FYTTD1: variants seen among roughly 807,000 people sequenced by gnomAD.
The protein encoded by FYTTD1 is UAP56-interacting factor.
Under a neutral mutation model 40.9 loss-of-function variants are expected in FYTTD1, and 22 were observed. That is an observed-to-expected ratio of 0.54 (90% CI 0.38 to 0.77). The LOEUF (loss-of-function observed/expected upper bound fraction) is 0.77, where lower values mean the gene tolerates loss of function less well. Among genes scored for constraint, FYTTD1 ranks in the 30% least tolerant of loss-of-function variants. FYTTD1 has a pLI of 0.00. For missense variants in FYTTD1, 351 were observed against 392.2 expected, an observed-to-expected ratio of 0.90 and a Z score of 0.89; for synonymous variants, 140 against 137.9, an observed-to-expected ratio of 1.01 and a Z score of -0.10.
At chr3:197,777,110 G>A in intron 7 of FYTTD1, 109 bp downstream of exon 7, 1 of 680,740 alleles carries the variant, frequency 1.5e-6, no homozygotes, top group Non-Finnish European at 2.6e-6. Flanking sequence ...GGATGAACCA[G>A]GAAGACAGTA....
chr3:197,778,425 T>G lies in FYTTD1; in HGVS notation c.819T>G (p.Gly273=). The G allele has an allele frequency of 6.2e-7, 1 of 1,610,900 alleles. No homozygotes were observed. The highest frequency in any genetic ancestry group is 8.5e-7 in the Non-Finnish European group (1 of 1,177,574). The part of the protein sequence containing the change: ...EQSDVKKVPK[G]VPLQFDINSV... ...GTGACGTCAAGAAAGTTCCTAAAGG[T>G]GTTCCCCTGCAGTTTGACATAAACA... Residue 273 remains glycine (G), a synonymous_variant, in exon 8 of 9, where the codon GGT becomes GGG. Coordinates refer to ENST00000241502, the MANE Select transcript of FYTTD1 (RefSeq NM_032288.7).
At chr3:197,769,079 T>G (rs1227044223) in intron 3 of FYTTD1, among the ~76,000 whole-genome samples, 1 of 149,142 alleles carries the variant, frequency 6.7e-6, no homozygotes, top group Non-Finnish European at 1.5e-5. Flanking sequence ...ATGAAGAGTT[T>G]TTTTGTTTGT....
chr3:197,765,695 G>T (rs963721453), intron 2 of FYTTD1, among the ~76,000 whole-genome samples: 3 of 151,524 alleles, frequency 2.0e-5, no homozygotes, highest in Non-Finnish European at 2.9e-5. Flanking sequence ...AACCCTGTCT[G>T]TACTAAAAAT....
In FYTTD1 at chr3:197,768,431, T is replaced by A; in HGVS notation, c.236-8T>A. On this transcript the variant is annotated splice_region_variant and splice_polypyrimidine_tract_variant and intron_variant, in intron 2 of 8. Transcript: ENST00000241502. ...TTGACATTTTCTTCTGTTTTTGCCC[T>A]CCTATAGGTTTTGGTAAGACTAGTC... 1 of 1,583,278 alleles carries A rather than the reference T, an allele frequency of 6.3e-7. No individual in the cohort carries two copies.
Position 197,772,585 on chromosome 3 carries a change from A to G in FYTTD1, c.498-818A>G, listed in dbSNP as rs1729751259. Among the ~76,000 whole-genome samples, 2 of 152,178 alleles carry G rather than the reference A, an allele frequency of 1.3e-5. 1 individual carries two copies. Among genetic ancestry groups the G allele is most frequent in the South Asian group, 4.1e-4 (2 of 4,828 alleles). On this transcript the variant is annotated intron_variant, in intron 4 of 8. Transcript: ENST00000241502. ...AGAGCATTGTTCTGTGCATGAAAGA[A>G]CAAGAAATAGAAGAGTATAAGTTTT... is the stretch of plus-strand genomic sequence containing the variant.
chr3:197,773,441 A>C lies in FYTTD1; in HGVS notation c.536A>C (p.Lys179Thr). 1 of 1,604,332 alleles carries C rather than the reference A, an allele frequency of 6.2e-7. No individual in the cohort carries two copies. The highest frequency in any genetic ancestry group is 8.5e-7 in the Non-Finnish European group (1 of 1,173,562). ...GCTAATTTTACCAGGAGTGGAAATAAATTAAATCATCAGAAAGATACTCGT... is the reference window on the plus strand; with the variant it reads ...GCTAATTTTACCAGGAGTGGAAATACATTAAATCATCAGAAAGATACTCGT... ...IPANFTRSGN[K>T]LNHQKDTRQA... Residue 179 changes from lysine (K) to threonine (T), a missense_variant, in exon 5 of 9, where the codon AAA becomes ACA. By Grantham distance (78) the Lys-to-Thr change is moderately conservative. Coordinates refer to ENST00000241502, the MANE Select transcript of FYTTD1 (RefSeq NM_032288.7).
At position 197,778,403 on chromosome 3, in the gene FYTTD1, A is replaced by T. The variant is rs765095636; in HGVS notation, c.797A>T (p.Asp266Val). 6.2e-7 allele frequency: 1 copy of T among 1,611,786 alleles called. No individual in the cohort carries two copies. Among genetic ancestry groups the T allele is most frequent in the Non-Finnish European group, 8.5e-7 (1 of 1,178,038 alleles). The change falls in exon 8 of 9, where the codon GAC (aspartate) becomes GTC (valine). Residue 266 changes from aspartate (D) to valine (V), a missense_variant. Asp to Val is a radical substitution (Grantham distance 152). Coordinates refer to ENST00000241502, the MANE Select transcript of FYTTD1 (RefSeq NM_032288.7). ...PSFLTKREQS[D>V]VKKVPKGVPL... ...TTTTTAACAAAGCGGGAGCAAAGTG[A>T]CGTCAAGAAAGTTCCTAAAGGTGTT...
At chr3:197,768,379 T>C (rs1461332312) in intron 2 of FYTTD1, 60 bp from the exon 3 acceptor site, 2 of 1,274,788 alleles carry the variant, frequency 1.6e-6, no homozygotes, top group Non-Finnish European at 2.2e-6. Flanking sequence ...TAGAATATCC[T>C]GTGACCGTCC....
In FYTTD1 at chr3:197,785,060, A is replaced by G. The variant is rs1451447476; in HGVS notation, c.*3151A>G. The stretch of plus-strand genomic sequence containing the variant: ...AAATACCTAAGAATTGGTAATAGCC[A>G]TGCTTTAGCATTTTTAGCATGGTAA... On this transcript the variant is annotated 3_prime_UTR_variant, in exon 9 of 9. Transcript: ENST00000241502. 6.6e-6 allele frequency: 1 copy of G among 152,250 alleles called. No individual in the cohort carries two copies. The highest frequency in any genetic ancestry group is 1.9e-4 in the East Asian group (1 of 5,200). The allele number at this position is 152,250 out of a possible 1,614,324, so 9.4% of individuals were successfully genotyped here.
At chr3:197,776,756 C>T (rs1259084363) in intron 6 of FYTTD1, among the ~76,000 whole-genome samples, 171 bp from the exon 7 acceptor site, 1 of 151,940 alleles carries the variant, frequency 6.6e-6, no homozygotes, top group Non-Finnish European at 1.5e-5. Flanking sequence ...TTCAGATGCC[C>T]AGTTCCGCAC....
intron 2 of FYTTD1, among the ~76,000 whole-genome samples, chr3:197,764,524 A>G (rs1000175382): frequency 4.6e-5 from 7 of 152,248 alleles, no homozygotes; most frequent in African/African-American, 1.7e-4. Flanking sequence ...CCTGGCCAAC[A>G]TAGTGAAACC....
intron 2 of FYTTD1, chr3:197,763,630 T>G (rs1390366740): frequency 2.7e-6 from 1 of 364,588 alleles, no homozygotes; most frequent in Admixed American, 3.9e-5. Flanking sequence ...AAAGAAAGAG[T>G]ATAAAGAGGT....
At chr3:197,750,370 C>T (rs1728975466) in intron 1 of FYTTD1, 9 of 1,113,334 alleles carry the variant, frequency 8.1e-6, no homozygotes, top group Admixed American at 5.0e-5. Flanking sequence ...CGGGGGGCGT[C>T]TCTTCTCCCC....
chr3:197,762,431 A>G (rs553869133), intron 2 of FYTTD1, among the ~76,000 whole-genome samples: 1 of 151,928 alleles, frequency 6.6e-6, no homozygotes, highest in South Asian at 2.1e-4. Flanking sequence ...TCTACTAAAA[A>G]TATAAAAATT....
intron 8 of FYTTD1, among the ~76,000 whole-genome samples, chr3:197,778,795 G>GT (rs1729945464): frequency 6.6e-6 from 1 of 152,150 alleles, no homozygotes; most frequent in Non-Finnish European, 1.5e-5. Context: ...TACTGGATGG[G>GT]TATTTGGGGT....
At chr3:197,757,244 T>C (rs1473603643) in intron 2 of FYTTD1, among the ~76,000 whole-genome samples, 1 of 152,238 alleles carries the variant, frequency 6.6e-6, no homozygotes, top group African/African-American at 2.4e-5. Flanking sequence ...ACCATCTTGA[T>C]TGAAGGCAGT....
chr3:197,757,501 A>G (rs1729245460), intron 2 of FYTTD1, among the ~76,000 whole-genome samples: 1 of 152,250 alleles, frequency 6.6e-6, no homozygotes, highest in Non-Finnish European at 1.5e-5. Flanking sequence ...AATATGTATA[A>G]CTGAAGCTGA....
chr3:197,771,689 A>G (rs1334562406), intron 4 of FYTTD1, among the ~76,000 whole-genome samples: 1 of 145,512 alleles, frequency 6.9e-6, no homozygotes, highest in Non-Finnish European at 1.5e-5. Flanking sequence ...AGGCAGGAGA[A>G]TGGCGTGAAC....
At chr3:197,762,576 G>A (rs573652708) in intron 2 of FYTTD1, among the ~76,000 whole-genome samples, 160 of 141,270 alleles carry the variant, frequency 1.1e-3, no homozygotes, top group African/African-American at 4.1e-3. Flanking sequence ...GTGACAGAGC[G>A]AGACTCTGTC....
Sources: gnomAD v4.1 joint callset for allele counts (sites outside exome capture counted in the v4.1 genomes callset) on GRCh38, gnomAD v4.1.1 for gene constraint, MANE v1.5 for transcripts, NCBI Gene and HGNC (gene_info 2026-07-23, HGNC 2026-07-21) for gene names.